PRKCQ: variants seen among roughly 807,000 people sequenced by gnomAD.
PRKCQ encodes the protein protein kinase C theta.
A neutral mutation model predicts 91.2 loss-of-function variants in PRKCQ; 41 were observed. The observed-to-expected ratio is 0.45, with a 90% CI of 0.35 to 0.58. The LOEUF is 0.58. PRKCQ is among the 20% of genes least tolerant of loss of function. The pLI is 0.00. For missense variants in PRKCQ, 673 were observed against 896.5 expected (o/e 0.75, Z 3.18); for synonymous variants, 307 against 316.9 (o/e 0.97, Z 0.33).
At chr10:6,526,759 C>T (rs1280914499) in intron 1 of PRKCQ, among the ~76,000 whole-genome samples, 3 of 152,166 alleles carry the variant, frequency 2.0e-5, no homozygotes, top group Non-Finnish European at 4.4e-5. Flanking sequence ...TCAGGTAGGA[C>T]ACCGCCCGAG....
chr10:6,549,624 C>CTTTTT (rs753280727), intron 1 of PRKCQ, among the ~76,000 whole-genome samples: 19 of 124,398 alleles, frequency 1.5e-4, no homozygotes, highest in African/African-American at 4.9e-4. Context: ...TAAAATTCAT[C>CTTTTT]TTTTTTTTTT....
At chr10:6,455,594 T>A (rs1288730673) in intron 15 of PRKCQ, among the ~76,000 whole-genome samples, 1 of 152,232 alleles carries the variant, frequency 6.6e-6, no homozygotes, top group African/African-American at 2.4e-5. Flanking sequence ...AGTTAGTTCA[T>A]CCATTTACTC....
chr10:6,423,046 A>G (rs1430117332), downstream of PRKCQ, among the ~76,000 whole-genome samples: 4 of 152,148 alleles, frequency 2.6e-5, 1 homozygote, highest in African/African-American at 4.8e-5. Flanking sequence ...TGCTTATTTC[A>G]GAGGACAAAT....
chr10:6,402,392 A>AC, the PRKCQ span, among the ~76,000 whole-genome samples: 1 of 151,002 alleles, frequency 6.6e-6, no homozygotes, highest in Non-Finnish European at 1.5e-5. Flanking sequence ...AAAAAAAAAA[A>AC]AGCTGAGCTT....
At chr10:6,439,470 T>C (rs894944373) in intron 16 of PRKCQ, among the ~76,000 whole-genome samples, 1 of 151,854 alleles carries the variant, frequency 6.6e-6, no homozygotes, top group South Asian at 2.1e-4. Flanking sequence ...TCCACTAATA[T>C]GTAGATTTTT....
At chr10:6,569,946 G>T (rs996316781) in intron 1 of PRKCQ, among the ~76,000 whole-genome samples, 4 of 152,096 alleles carry the variant, frequency 2.6e-5, no homozygotes, top group Non-Finnish European at 5.9e-5. Flanking sequence ...GAGGAGATAG[G>T]TATGGAGGCT....
intron 1 of PRKCQ, among the ~76,000 whole-genome samples, chr10:6,542,232 C>T (rs1340503971): frequency 6.6e-6 from 1 of 152,230 alleles, no homozygotes; most frequent in Non-Finnish European, 1.5e-5. Context: ...AGATTACTCT[C>T]TCTAGTCTAT....
chr10:6,497,416 AT>A lies in PRKCQ; in HGVS notation c.543-166del, dbSNP rs1447789916. Among the ~76,000 whole-genome samples, 1 of 152,206 alleles carries A rather than the reference AT, an allele frequency of 6.6e-6. No homozygotes were observed. Among genetic ancestry groups the A allele is most frequent in the Non-Finnish European group, 1.5e-5 (1 of 68,036 alleles). On this transcript the variant is annotated intron_variant, in intron 5 of 17. Coordinates refer to ENST00000263125, the MANE Select transcript of PRKCQ (RefSeq NM_006257.5). This position sits in a 1 kb window ranked among gnomAD's most constrained non-coding sequence, Gnocchi z 4.5. ...CAAGAGTATTAACAGAGTGTTTTTC[AT>A]TTGAAGCTGCGTTTTAAAAAGTTTG...
intron 1 of PRKCQ, among the ~76,000 whole-genome samples, chr10:6,560,841 C>A (rs1840601342): frequency 6.6e-6 from 1 of 151,980 alleles, no homozygotes; most frequent in Non-Finnish European, 1.5e-5. Flanking sequence ...ACATCAAGAC[C>A]ATCCTGGCTA....
chr10:6,490,409 TA>T (rs1019333647), intron 8 of PRKCQ, among the ~76,000 whole-genome samples: 5 of 151,850 alleles, frequency 3.3e-5, no homozygotes, highest in African/African-American at 1.2e-4. Flanking sequence ...GTGGCTTATA[TA>T]TTTAATACTT....
chr10:6,531,027 C>T (rs896994380), intron 1 of PRKCQ, among the ~76,000 whole-genome samples: 3 of 137,128 alleles, frequency 2.2e-5, no homozygotes, highest in Non-Finnish European at 4.7e-5. Flanking sequence ...GACATCTGTA[C>T]TCTCACCTGT....
intron 4 of PRKCQ, among the ~76,000 whole-genome samples, chr10:6,505,997 T>G (rs1838188404): frequency 6.6e-6 from 1 of 152,186 alleles, no homozygotes; most frequent in South Asian, 2.1e-4. Flanking sequence ...ATGGGAGGAA[T>G]GTATTTCTCT....
intron 12 of PRKCQ, among the ~76,000 whole-genome samples, chr10:6,478,335 CTTT>C (rs1434234377): frequency 1.3e-5 from 2 of 152,080 alleles, no homozygotes; most frequent in African/African-American, 4.8e-5. Context: ...TGATTTTCTT[CTTT>C]GAGTTTATAA....
At chr10:6,495,968 C>A (rs1489545823) in intron 7 of PRKCQ, among the ~76,000 whole-genome samples, 2 of 152,112 alleles carry the variant, frequency 1.3e-5, no homozygotes, top group Non-Finnish European at 2.9e-5. Context: ...ATAATCCCAG[C>A]ACTTTGGAAG....
At chr10:6,489,529 C>T (rs761737438) in intron 8 of PRKCQ, 3 of 499,734 alleles carry the variant, frequency 6.0e-6, no homozygotes, top group Admixed American at 2.2e-5. Flanking sequence ...CGACGGCCTG[C>T]AAGGAGGCAG....
intron 1 of PRKCQ, among the ~76,000 whole-genome samples, chr10:6,528,206 T>C (rs1295739968): frequency 6.6e-6 from 1 of 151,998 alleles, no homozygotes; most frequent in African/African-American, 2.4e-5. Context: ...TTTTCCCGGG[T>C]GTGTCCTCAA....
rs1325106786 is a variant in PRKCQ at position 6,483,556 on chromosome 10, T to C, written c.1063A>G (p.Lys355Glu). The C allele has an allele frequency of 3.7e-6, 6 of 1,614,252 alleles. No homozygotes were observed. The highest frequency in any genetic ancestry group is 5.1e-6 in the Non-Finnish European group (6 of 1,180,038). ...TCAGGTTCTGGAAGATGGCACATTT[T>C]ATCCACCTCATCCAACGGAGACTCC... ...SWESPLDEVD[K>E]MCHLPEPELN... is the part of the protein sequence containing the mutation. The change falls in exon 11 of 18, where the codon AAA (lysine) becomes GAA (glutamate). Residue 355 changes from lysine to glutamate, a missense_variant. By Grantham distance (56) the Lys-to-Glu change is moderately conservative. Coordinates refer to ENST00000263125, the MANE Select transcript of PRKCQ (RefSeq NM_006257.5).
intron 12 of PRKCQ, among the ~76,000 whole-genome samples, chr10:6,467,060 T>C (rs958692107): frequency 2.0e-5 from 3 of 152,186 alleles, no homozygotes; most frequent in African/African-American, 4.8e-5. Flanking sequence ...AATCTCTGCA[T>C]TGGTCCTCAG....
At chr10:6,514,719 T>C (rs576944690) in intron 2 of PRKCQ, among the ~76,000 whole-genome samples, 1 of 152,346 alleles carries the variant, frequency 6.6e-6, no homozygotes, top group Non-Finnish European at 1.5e-5. Context: ...TCATTAGAGT[T>C]CCTTCCCATT....
Sources: gnomAD v4.1 joint callset for allele counts (sites outside exome capture counted in the v4.1 genomes callset) on GRCh38, gnomAD v4.1.1 for gene constraint, Gnocchi (gnomAD v3.1) non-coding constraint, MANE v1.5 for transcripts, NCBI Gene and HGNC (gene_info 2026-07-23, HGNC 2026-07-21) for gene names.